Variants in XKR4 observed in about 807,000 individuals in gnomAD.
XKR4 encodes XK related 4, also known as XK-related protein 4.
XKR4 carries 12 observed loss-of-function variants against 53.9 expected under a neutral mutation model. The observed-to-expected ratio is 0.22, with a 90% CI of 0.14 to 0.36. XKR4 has a LOEUF of 0.36. XKR4 is among the 10% of genes least tolerant of loss of function. The pLI is 1.00. For missense variants in XKR4, 799 were observed against 859.5 expected, an observed-to-expected ratio of 0.93 and a Z score of 0.88; for synonymous variants, 354 against 362.4, an observed-to-expected ratio of 0.98 and a Z score of 0.26.
chr8:55,112,594 G>A (rs1168880102), intron 1 of XKR4, among the ~76,000 whole-genome samples: 4 of 53,966 alleles, frequency 7.4e-5, no homozygotes, highest in East Asian at 1.2e-3. Context: ...TTTTTAGGGA[G>A]CAGAGAGTCA....
chr8:55,273,170 GTGTGTGTGTGTGTA>G (rs1818717096), intron 1 of XKR4, among the ~76,000 whole-genome samples: 1 of 151,754 alleles, frequency 6.6e-6, no homozygotes, highest in Admixed American at 6.6e-5. Flanking sequence ...GTGTGTGTGT[GTGTGTGTGTGTGTA>G]TGTTGCTGCA....
intron 1 of XKR4, chr8:55,164,347 A>G: frequency 4.4e-6 from 2 of 455,802 alleles, no homozygotes; most frequent in South Asian, 3.1e-5. Flanking sequence ...ACCCCTGAGT[A>G]GAAATAACTC....
chr8:55,486,604 T>C (rs1766714831), intron 2 of XKR4, among the ~76,000 whole-genome samples: 1 of 152,222 alleles, frequency 6.6e-6, no homozygotes. Context: ...AATTGAATAG[T>C]TTGGCAGGAG....
chr8:55,409,565 GT>G lies in XKR4; in HGVS notation c.1006+51700del, dbSNP rs11381160. Among the ~76,000 whole-genome samples the G allele has an allele frequency of 5.1e-3, 768 of 149,204 alleles. 7 individuals are homozygous for G. The highest frequency in any genetic ancestry group is 0.016 in the African/African-American group (646 of 40,620). ...GCAGAGGTCAGTGGAACATGAAACAGTTTTTTTTTTTTCTTTTTTGACACTG... is the reference window on the plus strand; with the variant it reads ...GCAGAGGTCAGTGGAACATGAAACAGTTTTTTTTTTTCTTTTTTGACACTG... On this transcript the variant is annotated intron_variant, in intron 2 of 2. Coordinates refer to ENST00000327381, the MANE Select transcript of XKR4 (RefSeq NM_052898.2).
chr8:55,363,556 C>G (rs1408332014), intron 2 of XKR4, among the ~76,000 whole-genome samples: 1 of 152,210 alleles, frequency 6.6e-6, no homozygotes, highest in Non-Finnish European at 1.5e-5. Context: ...CTGTTGAGCA[C>G]TCTTGAGACC....
At chr8:55,480,005 T>C (rs550222536) in intron 2 of XKR4, among the ~76,000 whole-genome samples, 2 of 149,044 alleles carry the variant, frequency 1.3e-5, no homozygotes, top group Non-Finnish European at 3.0e-5. Flanking sequence ...CTTCTGAAAC[T>C]ATTCCAATCA....
chr8:55,111,930 A>T (rs1021650010), intron 1 of XKR4, among the ~76,000 whole-genome samples: 3 of 152,214 alleles, frequency 2.0e-5, no homozygotes, highest in Non-Finnish European at 4.4e-5. Flanking sequence ...AAACAAAGAT[A>T]TGACATCCAG....
At position 55,529,382 on chromosome 8, in the gene XKR4, G is replaced by A. The variant is rs565718623; in HGVS notation, c.*5155G>A. ...ATACTGACAGCCTAATGTCAGAAAC[G>A]AGCTGCCTAAATCAAGTTTTGCTTT... is the stretch of plus-strand genomic sequence containing the variant. On this transcript the variant is annotated 3_prime_UTR_variant, in exon 3 of 3. Transcript: ENST00000327381. 1.1e-4 allele frequency: 16 copies of A among 152,186 alleles called. No individual in the cohort carries two copies. The East Asian group carries it at 2.3e-3, about 22-fold the overall frequency. 9.4% of individuals were successfully genotyped at this position (152,186 alleles called of 1,614,324 possible). A position where few individuals can be genotyped will look rare whatever the true frequency, so the allele number is the denominator to read the frequency against.
chr8:55,263,112 T>C (rs1348022116), intron 1 of XKR4, among the ~76,000 whole-genome samples: 1 of 152,190 alleles, frequency 6.6e-6, no homozygotes, highest in Non-Finnish European at 1.5e-5. Context: ...CTTCCTGCCT[T>C]CAGTCTTGCC....
At chr8:55,192,184 C>T (rs1817451058) in intron 1 of XKR4, among the ~76,000 whole-genome samples, 1 of 144,878 alleles carries the variant, frequency 6.9e-6, no homozygotes, top group African/African-American at 2.5e-5. Flanking sequence ...GAATGGCTAG[C>T]ACAGGATTTC....
At chr8:55,201,468 G>C (rs1817576508) in intron 1 of XKR4, among the ~76,000 whole-genome samples, 1 of 152,150 alleles carries the variant, frequency 6.6e-6, no homozygotes, top group Non-Finnish European at 1.5e-5. Flanking sequence ...TTTAAAATTT[G>C]TCATTTTTCT....
chr8:55,495,690 C>A (rs886587876), intron 2 of XKR4, among the ~76,000 whole-genome samples: 1 of 152,208 alleles, frequency 6.6e-6, no homozygotes, highest in Non-Finnish European at 1.5e-5. Context: ...GGAGCAGAGG[C>A]TCTGGGCAAG....
At chr8:55,132,914 G>A (rs766944958) in intron 1 of XKR4, among the ~76,000 whole-genome samples, 18 of 152,162 alleles carry the variant, frequency 1.2e-4, no homozygotes, top group Admixed American at 2.0e-4. Flanking sequence ...GCCATTCTCC[G>A]ATTTGTGAGG....
rs573107516 is a variant in XKR4 at position 55,314,972 on chromosome 8, G to A, written c.807-42706G>A. On this transcript the variant is annotated intron_variant, in intron 1 of 2. Coordinates refer to ENST00000327381, the MANE Select transcript of XKR4 (RefSeq NM_052898.2). ...CTGACTGCAAGGACAGGAGTGGAGA[G>A]AGGGCAAAAACGCTGTGCATTTGCC... Among the ~76,000 whole-genome samples the A allele has an allele frequency of 1.3e-4, 20 of 152,322 alleles. No individual in the cohort carries two copies. In the South Asian group the frequency reaches 1.7e-3, roughly 13 times the overall value.
At chr8:55,394,983 T>C (rs1263636026) in intron 2 of XKR4, among the ~76,000 whole-genome samples, 1 of 152,258 alleles carries the variant, frequency 6.6e-6, no homozygotes, top group South Asian at 2.1e-4. Flanking sequence ...GAGGCATGAT[T>C]GAGGGAGCTA....
At chr8:55,360,560 G>C (rs1803886271) in intron 2 of XKR4, among the ~76,000 whole-genome samples, 1 of 152,196 alleles carries the variant, frequency 6.6e-6, no homozygotes, top group South Asian at 2.1e-4. Flanking sequence ...ATAATCAATA[G>C]GCATGAAATC....
intron 2 of XKR4, among the ~76,000 whole-genome samples, chr8:55,500,340 C>A (rs1806419649): frequency 6.6e-6 from 1 of 152,136 alleles, no homozygotes; most frequent in Admixed American, 6.5e-5. Flanking sequence ...AAGCCATATT[C>A]TTTTCTCAAA....
intron 1 of XKR4, among the ~76,000 whole-genome samples, chr8:55,150,104 G>A (rs1816821381): frequency 6.6e-6 from 1 of 152,142 alleles, no homozygotes; most frequent in South Asian, 2.1e-4. Context: ...ATATTACCTG[G>A]ATTATGCATT....
At chr8:55,381,303 G>A (rs1804229302) in intron 2 of XKR4, among the ~76,000 whole-genome samples, 1 of 152,126 alleles carries the variant, frequency 6.6e-6, no homozygotes, top group Admixed American at 6.5e-5. Context: ...TTGTTGCCAA[G>A]GCACATAATT....
Sources: allele counts gnomAD v4.1 joint callset (sites outside exome capture counted in the v4.1 genomes callset), GRCh38; gene constraint gnomAD v4.1.1; transcripts MANE v1.5; gene names NCBI Gene and HGNC (gene_info 2026-07-23, HGNC 2026-07-21).